KSR2: variants seen among roughly 807,000 people sequenced by gnomAD.
KSR2 encodes kinase suppressor of ras 2.
Under a neutral mutation model 107.8 loss-of-function variants are expected in KSR2, and 25 were observed. The ratio of observed to expected loss-of-function variants is 0.23; its 90% CI spans 0.17 to 0.32. KSR2 has a LOEUF of 0.32. Among genes scored for constraint, KSR2 ranks in the 10% least tolerant of loss-of-function variants. The pLI is 1.00. For missense variants in KSR2, 887 were observed against 1,268.9 expected, an observed-to-expected ratio of 0.70 and a Z score of 4.57; for synonymous variants, 480 against 507.0, an observed-to-expected ratio of 0.95 and a Z score of 0.71.
At chr12:117,725,891 G>A (rs546548959) in intron 4 of KSR2, among the ~76,000 whole-genome samples, 1 of 152,294 alleles carries the variant, frequency 6.6e-6, no homozygotes, top group Non-Finnish European at 1.5e-5. Flanking sequence ...AGGTTGCAGG[G>A]TGTGGTGGCT....
At position 117,667,628 on chromosome 12, in the gene KSR2, G is replaced by A. The variant is rs557090258; in HGVS notation, c.1017C>T (p.Leu339=). 20 of 1,606,358 alleles carry A rather than the reference G, an allele frequency of 1.2e-5. 1 individual carries two copies. In the South Asian group the frequency reaches 2.1e-4, roughly 17 times the overall value. Residue 339 remains leucine, a synonymous_variant, in exon 5 of 20, where the codon CTC becomes CTT. Coordinates refer to ENST00000339824, the MANE Select transcript of KSR2 (RefSeq NM_173598.6). ...AGCTGCCTACGCTGCTGTGGATCTT[G>A]AGGTTCAAGGGTTTGCTCTTCTTCT... ...KAKKKSKPLN[L]KIHSSVGSCE... is the part of the protein sequence containing the mutation.
At chr12:117,505,509 T>C (rs1327062329) in intron 14 of KSR2, among the ~76,000 whole-genome samples, 1 of 152,192 alleles carries the variant, frequency 6.6e-6, no homozygotes, top group African/African-American at 2.4e-5. Context: ...AAATAACATT[T>C]CCTGGAGTCT....
Position 117,453,759 on chromosome 12 carries a change from C to T in KSR2, c.*13440G>A, listed in dbSNP as rs1307396000. The T allele has an allele frequency of 6.6e-6, 1 of 152,180 alleles. No homozygotes were observed. The highest frequency in any genetic ancestry group is 1.5e-5 in the Non-Finnish European group (1 of 68,034). 9.4% of individuals were successfully genotyped at this position (152,180 alleles called of 1,614,324 possible). On this transcript the variant is annotated 3_prime_UTR_variant, in exon 20 of 20. Transcript: ENST00000339824. ...AGGCTTGGGGTGGAAACGTTGACCA[C>T]CTAAGTCTGGGATCTTCTCTGCCTG...
At chr12:117,701,659 C>G (rs1466638767) in intron 4 of KSR2, among the ~76,000 whole-genome samples, 1 of 152,118 alleles carries the variant, frequency 6.6e-6, no homozygotes, top group East Asian at 1.9e-4. Context: ...TGGGTCCTAC[C>G]TCCAATGACA....
chr12:117,908,417 C>T (rs1434565581), intron 1 of KSR2, among the ~76,000 whole-genome samples: 4 of 152,050 alleles, frequency 2.6e-5, no homozygotes, highest in African/African-American at 4.8e-5. Context: ...GGAACCTCAT[C>T]AAAATAAAAT....
At position 117,656,190 on chromosome 12, in the gene KSR2, C is replaced by T. The variant is rs938238171; in HGVS notation, c.1171+11284G>A. 1.5e-4 allele frequency among the ~76,000 whole-genome samples: 23 copies of T among 152,172 alleles called. 1 individual carries two copies. Among genetic ancestry groups the T allele is most frequent in the Non-Finnish European group, 4.4e-5 (3 of 68,020 alleles). Reference sequence around the variant, plus strand: ...GTATACCCTTGTACTAAGAAAATATCTTCATTTTATTTCCTTTTCCTTTAT... The same window carrying T: ...GTATACCCTTGTACTAAGAAAATATTTTCATTTTATTTCCTTTTCCTTTAT... On this transcript the variant is annotated intron_variant, in intron 5 of 19. Coordinates refer to ENST00000339824, the MANE Select transcript of KSR2 (RefSeq NM_173598.6).
chr12:117,769,512 C>T (rs2136905133), intron 3 of KSR2, among the ~76,000 whole-genome samples: 1 of 152,342 alleles, frequency 6.6e-6, no homozygotes, highest in Non-Finnish European at 1.5e-5. Context: ...AAATTCCTCA[C>T]TGTGACTCCG....
intron 7 of KSR2, among the ~76,000 whole-genome samples, chr12:117,563,542 G>A (rs1396824709): frequency 1.3e-5 from 2 of 152,138 alleles, no homozygotes; most frequent in Non-Finnish European, 2.9e-5. Context: ...ATGATATAAT[G>A]CAAGTAAGGT....
At chr12:117,580,198 C>G (rs746742537) in intron 6 of KSR2, among the ~76,000 whole-genome samples, 24 of 152,172 alleles carry the variant, frequency 1.6e-4, no homozygotes, top group Non-Finnish European at 3.5e-4. Context: ...ACTCTCCAAA[C>G]AGAATAAGCC....
rs575623219 is a variant in KSR2, at chr12:117,731,523, C to T, written c.986+29488G>A. Among the ~76,000 whole-genome samples, 25 of 152,338 alleles carry T rather than the reference C, an allele frequency of 1.6e-4. No homozygotes were observed. In the East Asian group the frequency reaches 2.9e-3, roughly 18 times the overall value. ...GAGGCCCTCTGTCCGGCCGCCACCC[C>T]GTCTGGGAGGGGTACCCAACAGCTC... is the stretch of plus-strand genomic sequence containing the variant. On this transcript the variant is annotated intron_variant, in intron 4 of 19. Coordinates refer to ENST00000339824, the MANE Select transcript of KSR2 (RefSeq NM_173598.6).
At chr12:117,944,073 T>C (rs1007093624) in intron 1 of KSR2, among the ~76,000 whole-genome samples, 1 of 152,186 alleles carries the variant, frequency 6.6e-6, no homozygotes, top group Admixed American at 6.5e-5. Context: ...AACCTCTTTT[T>C]CTTTATAAAT....
At position 117,642,606 on chromosome 12, in the gene KSR2, C is replaced by T. The variant is rs528531141; in HGVS notation, c.1171+24868G>A. Among the ~76,000 whole-genome samples the T allele has an allele frequency of 3.9e-5, 6 of 152,328 alleles. No homozygotes were observed. The South Asian group carries it at 1.2e-3, about 32-fold the overall frequency. On this transcript the variant is annotated intron_variant, in intron 5 of 19. Transcript: ENST00000339824. ...CAAAAGGAGAAGACTCAGACTCCAC[C>T]TTCCCCAAAGGTTGTTACAAAGAAG...
chr12:117,722,837 C>G (rs1205746810), intron 4 of KSR2, among the ~76,000 whole-genome samples: 1 of 152,142 alleles, frequency 6.6e-6, no homozygotes, highest in African/African-American at 2.4e-5. Flanking sequence ...GGATCAGGAC[C>G]CCTTTCCTGT....
intron 1 of KSR2, among the ~76,000 whole-genome samples, chr12:117,877,203 G>A (rs536848498): frequency 6.6e-6 from 1 of 152,118 alleles, no homozygotes; most frequent in Non-Finnish European, 1.5e-5. Flanking sequence ...TGGGCATGGT[G>A]GTGGGCGCCT....
intron 10 of KSR2, 56 bp from the exon 11 acceptor site, chr12:117,531,763 G>C: frequency 1.4e-6 from 2 of 1,402,292 alleles, no homozygotes; most frequent in Non-Finnish European, 2.0e-6. Context: ...ATCGCTTCAG[G>C]GACCAGATTG....
At chr12:117,902,990 A>G (rs986729897) in intron 1 of KSR2, among the ~76,000 whole-genome samples, 1 of 152,212 alleles carries the variant, frequency 6.6e-6, no homozygotes, top group Non-Finnish European at 1.5e-5. Flanking sequence ...TCTTTACTTC[A>G]TAGGGCTTAA....
chr12:117,818,976 C>T (rs1294979699), intron 3 of KSR2, among the ~76,000 whole-genome samples: 5 of 152,104 alleles, frequency 3.3e-5, no homozygotes, highest in Non-Finnish European at 7.4e-5. Flanking sequence ...ACACCAGCTC[C>T]CCACCACAAG....
chr12:117,610,469 G>A (rs1881529082), intron 5 of KSR2, among the ~76,000 whole-genome samples: 1 of 152,160 alleles, frequency 6.6e-6, no homozygotes, highest in Non-Finnish European at 1.5e-5. Context: ...ACCAGGCACG[G>A]TGGCTCACGT....
intron 1 of KSR2, among the ~76,000 whole-genome samples, chr12:117,939,101 T>C (rs1895929659): frequency 6.6e-6 from 1 of 152,170 alleles, no homozygotes; most frequent in South Asian, 2.1e-4. Flanking sequence ...AAGGCAGATA[T>C]AATCACAGTG....
Sources: gnomAD v4.1 joint callset for allele counts (sites outside exome capture counted in the v4.1 genomes callset) on GRCh38, gnomAD v4.1.1 for gene constraint, MANE v1.5 for transcripts, NCBI Gene and HGNC (gene_info 2026-07-23, HGNC 2026-07-21) for gene names.